Variants in WASHC2A observed in about 807,000 individuals in gnomAD.
The protein encoded by WASHC2A is WASH complex subunit 2A.
Under a neutral mutation model 140.3 loss-of-function variants are expected in WASHC2A, and 82 were observed. The observed-to-expected ratio is 0.58, with a 90% confidence interval of 0.49 to 0.70. The LOEUF (loss-of-function observed/expected upper bound fraction) is 0.70, where lower values mean the gene tolerates loss of function less well. Ranked by LOEUF, WASHC2A falls within the 30% of genes least tolerant of loss-of-function variation. The pLI is 0.00. For missense variants in WASHC2A, 985 were observed against 1,521.8 expected, an observed-to-expected ratio of 0.65 and a Z score of 5.87; for synonymous variants, 340 against 560.8, an observed-to-expected ratio of 0.61 and a Z score of 5.56.
intron 11 of WASHC2A, among the ~76,000 whole-genome samples, chr10:50,092,544 C>A (rs1223382973): frequency 6.6e-6 from 1 of 151,910 alleles, no homozygotes; most frequent in Admixed American, 6.6e-5. Flanking sequence ...GTTGTCCCAG[C>A]TACTTGGGAG....
intron 20 of WASHC2A, among the ~76,000 whole-genome samples, chr10:50,113,418 T>C (rs1842441827): frequency 6.6e-6 from 1 of 151,396 alleles, no homozygotes; most frequent in Non-Finnish European, 1.5e-5. Flanking sequence ...ATGTAAATTA[T>C]GTCTCAATAA....
chr10:50,079,521 C>G (rs1277599251), intron 4 of WASHC2A, among the ~76,000 whole-genome samples: 1 of 152,166 alleles, frequency 6.6e-6, no homozygotes, highest in Admixed American at 6.5e-5. Context: ...CTCAGCTTCC[C>G]GAGTAGCTGG....
chr10:50,130,718 G>T (rs1287317227), intron 29 of WASHC2A, among the ~76,000 whole-genome samples, 183 bp from the exon 30 acceptor site: 1 of 152,220 alleles, frequency 6.6e-6, no homozygotes, highest in Non-Finnish European at 1.5e-5. Flanking sequence ...CATTTGAGCC[G>T]GGGTGAGATG....
At chr10:50,094,749 C>G (rs1554884142) in intron 13 of WASHC2A, among the ~76,000 whole-genome samples, 1 of 150,908 alleles carries the variant, frequency 6.6e-6, no homozygotes, top group African/African-American at 2.4e-5. Flanking sequence ...TTACTGATGA[C>G]TCACATGTTT....
At chr10:50,118,104 T>C in intron 22 of WASHC2A, 46 bp downstream of exon 22, 1 of 1,586,540 alleles carries the variant, frequency 6.3e-7, no homozygotes, top group South Asian at 1.1e-5. Context: ...GTCTCTCGTA[T>C]GTTGTTTCAA....
chr10:50,097,532 CACTTACTATTTCTTTATA>C (rs1840605210), intron 15 of WASHC2A, 125 bp from the exon 16 acceptor site: 8 of 690,394 alleles, frequency 1.2e-5, no homozygotes, highest in Non-Finnish European at 1.9e-5. Context: ...AGTATAGTTC[CACTTACTATTTCTTTATA>C]ACTAATCAAG....
intron 19 of WASHC2A, among the ~76,000 whole-genome samples, chr10:50,109,552 G>A (rs1842087377): frequency 6.6e-6 from 1 of 152,058 alleles, no homozygotes; most frequent in Admixed American, 6.5e-5. Flanking sequence ...ACCACAGTGG[G>A]AAGAGACATC....
At chr10:50,128,988 T>G (rs1243793450) in intron 28 of WASHC2A, among the ~76,000 whole-genome samples, 1 of 152,014 alleles carries the variant, frequency 6.6e-6, no homozygotes, top group Non-Finnish European at 1.5e-5. Context: ...GAATTTAGAC[T>G]AGCCCCCTAA....
At chr10:50,080,232 C>T (rs1235643019) in intron 4 of WASHC2A, among the ~76,000 whole-genome samples, 6 of 151,692 alleles carry the variant, frequency 4.0e-5, no homozygotes, top group Admixed American at 1.3e-4. Context: ...CAGAATAGAC[C>T]GGAGATGAAA....
In WASHC2A at chr10:50,132,887, TTGAACAC is replaced by T; in HGVS notation, c.3969_3975del (p.Phe1323LeufsTer11). The T allele has an allele frequency of 1.2e-6, 2 of 1,612,038 alleles. No individual in the cohort carries two copies. Among genetic ancestry groups the T allele is most frequent in the South Asian group, 2.2e-5 (2 of 90,984 alleles). On this transcript the variant is annotated frameshift_variant, in exon 31 of 31. Coordinates refer to ENST00000282633, the MANE Select transcript of WASHC2A (RefSeq NM_001005751.3). LOFTEE classifies it high-confidence loss of function. ...GCACAGGCCGCACCTGAACCAAGAT[TTGAACAC>T]AAGGTGTCCAACATCTTTGATGATC...
At chr10:50,106,718 G>A (rs2942755) in intron 19 of WASHC2A, among the ~76,000 whole-genome samples, 27,109 of 132,100 alleles carry the variant, frequency 0.21, 3,866 homozygotes, top group East Asian at 0.61. Flanking sequence ...GAGTTAGGCC[G>A]GCTAGGGGGG....
intron 28 of WASHC2A, 118 bp from the exon 29 acceptor site, chr10:50,129,301 T>G: frequency 6.4e-7 from 1 of 1,560,912 alleles, no homozygotes; most frequent in African/African-American, 1.4e-5. Context: ...TTAGATAATA[T>G]CTTCATTGAA....
chr10:50,100,902 C>T (rs1371361852), intron 17 of WASHC2A, among the ~76,000 whole-genome samples: 153 of 152,372 alleles, frequency 1.0e-3, no homozygotes, highest in African/African-American at 3.5e-3. Context: ...GTCTTAGATC[C>T]AATTTTAAGT....
At chr10:50,079,642 G>T (rs1406320857) in intron 4 of WASHC2A, among the ~76,000 whole-genome samples, 1 of 152,172 alleles carries the variant, frequency 6.6e-6, no homozygotes, top group African/African-American at 2.4e-5. Flanking sequence ...CAAATGATCC[G>T]CCAGCCTTGG....
At chr10:50,099,262 T>C (rs1419940334) in intron 16 of WASHC2A, among the ~76,000 whole-genome samples, 14 of 144,414 alleles carry the variant, frequency 9.7e-5, no homozygotes, top group Middle Eastern at 3.8e-3. Context: ...TTACCATCAT[T>C]CTTCTTCTTT....
chr10:50,097,864 T>G lies in WASHC2A; in HGVS notation c.1548+62T>G, dbSNP rs2805181. On this transcript the variant is annotated intron_variant, in intron 16 of 30. Transcript: ENST00000282633. ...TCTGCCGCATTTTAATAATTCATCC[T>G]GAACCCAGAGGGAAGTGCTGTTCCC... 325 of 1,610,938 alleles carry G rather than the reference T, an allele frequency of 2.0e-4. 2 individuals are homozygous for G. The highest frequency in any genetic ancestry group is 1.1e-3 in the Middle Eastern group (5 of 4,426).
chr10:50,132,742 T>A (rs1312230502), intron 30 of WASHC2A, 64 bp from the exon 31 acceptor site: 6 of 1,611,986 alleles, frequency 3.7e-6, no homozygotes, highest in Non-Finnish European at 3.4e-6. Context: ...TTTGCTTGCA[T>A]GTGTCTTAAA....
intron 17 of WASHC2A, among the ~76,000 whole-genome samples, chr10:50,101,466 A>G (rs1338286363): frequency 1.3e-5 from 2 of 152,418 alleles, no homozygotes; most frequent in South Asian, 2.1e-4. Flanking sequence ...ACGTGTTGCC[A>G]GGGACAGTGT....
In WASHC2A at chr10:50,069,382, G is replaced by A. The variant is rs1837588241; in HGVS notation, c.127-165G>A. On this transcript the variant is annotated intron_variant, in intron 2 of 30. Transcript: ENST00000282633. ...TGCAGTGAGCCGAGATGGCGCCATTGTACTCCAGCCCAGGCAACAGAGTGA... is the reference window on the plus strand; with the variant it reads ...TGCAGTGAGCCGAGATGGCGCCATTATACTCCAGCCCAGGCAACAGAGTGA... The A allele has an allele frequency of 3.6e-6, 4 of 1,106,684 alleles. No homozygotes were observed. In the East Asian group the frequency reaches 1.2e-4, roughly 32 times the overall value. 68.6% of individuals were successfully genotyped at this position (1,106,684 alleles called of 1,614,324 possible). A position where few individuals can be genotyped will look rare whatever the true frequency, so the allele number is the denominator to read the frequency against.
Sources: allele counts gnomAD v4.1 joint callset (sites outside exome capture counted in the v4.1 genomes callset), GRCh38; gene constraint gnomAD v4.1.1; transcripts MANE v1.5; gene names NCBI Gene and HGNC (gene_info 2026-07-23, HGNC 2026-07-21).